Variants in CDCA5 observed in about 807,000 individuals in gnomAD.
The protein encoded by CDCA5 is cell division cycle associated 5.
CDCA5 carries 14 observed loss-of-function variants against 25.7 expected under a neutral mutation model. That is an observed-to-expected ratio of 0.54 (90% CI 0.36 to 0.85). The LOEUF is 0.85. Among genes scored for constraint, CDCA5 ranks in the 40% least tolerant of loss-of-function variants. The pLI is 0.01. For missense variants in CDCA5, 307 were observed against 324.5 expected, an observed-to-expected ratio of 0.95 and a Z score of 0.41; for synonymous variants, 127 against 128.7, an observed-to-expected ratio of 0.99 and a Z score of 0.09.
rs1311355859 is a variant in CDCA5, at chr11:65,077,758, C to A, written c.*1349G>T. 3 of 985,564 alleles carry A rather than the reference C, an allele frequency of 3.0e-6. No homozygotes were observed. Among genetic ancestry groups the A allele is most frequent in the Non-Finnish European group, 3.6e-6 (3 of 830,002 alleles). The allele number at this position is 985,564 out of a possible 1,614,324, so 61.1% of individuals were successfully genotyped here. On this transcript the variant is annotated 3_prime_UTR_variant, in exon 6 of 6. Coordinates refer to ENST00000275517, the MANE Select transcript of CDCA5 (RefSeq NM_080668.4). ...GAGCAGATGGCCTGGGACTCCCAGACCTGGCAGAGGGTTTTATTAGGGCCC... is the reference window on the plus strand; with the variant it reads ...GAGCAGATGGCCTGGGACTCCCAGAACTGGCAGAGGGTTTTATTAGGGCCC...
At chr11:65,083,904 C>T (rs1442411989) in intron 1 of CDCA5, 29 bp downstream of exon 1, 1 of 1,609,222 alleles carries the variant, frequency 6.2e-7, no homozygotes, top group South Asian at 1.1e-5. Flanking sequence ...ACGGCTCGAC[C>T]TCACGTCTCC....
At chr11:65,062,506 C>T (rs2137050222), downstream of CDCA5, among the ~76,000 whole-genome samples, 1 of 152,284 alleles carries the variant, frequency 6.6e-6, no homozygotes, top group South Asian at 2.1e-4. Flanking sequence ...TGACTCAGTG[C>T]CTTTGTGTTG....
At chr11:65,067,499 C>T (rs1460735422) in intron 4 of CDCA5, among the ~76,000 whole-genome samples, 2 of 152,250 alleles carry the variant, frequency 1.3e-5, no homozygotes, top group African/African-American at 4.8e-5. Flanking sequence ...GCCCCTCCCC[C>T]AGACTGAACG....
At chr11:65,070,644 G>T (rs1947322507) in intron 1 of CDCA5, among the ~76,000 whole-genome samples, 1 of 152,008 alleles carries the variant, frequency 6.6e-6, no homozygotes, top group Non-Finnish European at 1.5e-5. Flanking sequence ...ACCACACCCA[G>T]CTAATTTGTG....
At chr11:65,073,208 G>A (rs1356625714), downstream of CDCA5, among the ~76,000 whole-genome samples, 4 of 152,110 alleles carry the variant, frequency 2.6e-5, no homozygotes, top group East Asian at 7.7e-4. Flanking sequence ...GCCTCCCAAA[G>A]TGCTGGGATT....
At chr11:65,077,008 C>A (rs1362741824), downstream of CDCA5, among the ~76,000 whole-genome samples, 4 of 152,146 alleles carry the variant, frequency 2.6e-5, no homozygotes, top group East Asian at 3.8e-4. Context: ...GCAGGACAGG[C>A]CAGGCGCAGT....
At chr11:65,062,357 C>T (rs1565259665), downstream of CDCA5, among the ~76,000 whole-genome samples, 1 of 152,168 alleles carries the variant, frequency 6.6e-6, no homozygotes. Context: ...CCAAGTCTCC[C>T]TTTACACTCA....
At chr11:65,066,024 G>T (rs1318297004), downstream of CDCA5, among the ~76,000 whole-genome samples, 1 of 152,136 alleles carries the variant, frequency 6.6e-6, no homozygotes, top group Non-Finnish European at 1.5e-5. Context: ...TCCGGGGAGG[G>T]ACTGCGGCCC....
At chr11:65,066,193 G>C, downstream of CDCA5, 1 of 325,028 alleles carries the variant, frequency 3.1e-6, no homozygotes, top group African/African-American at 2.2e-5. Flanking sequence ...CTGAGGGAGT[G>C]GGGGTGATGT....
chr11:65,065,957 C>A (rs903133520), downstream of CDCA5, among the ~76,000 whole-genome samples: 7 of 152,128 alleles, frequency 4.6e-5, no homozygotes, highest in Admixed American at 4.6e-4. Flanking sequence ...CTATCCCTCC[C>A]CCGCCTACAC....
chr11:65,082,821 C>A (rs1240942379), intron 4 of CDCA5, among the ~76,000 whole-genome samples: 1 of 151,894 alleles, frequency 6.6e-6, no homozygotes, highest in Non-Finnish European at 1.5e-5. Context: ...ATTCCCTGAG[C>A]CACATGGTCT....
rs1222545049 is a variant in CDCA5, at chr11:65,083,697, G to A, written c.73C>T (p.Pro25Ser). 1.9e-6 allele frequency: 3 copies of A among 1,614,118 alleles called. No homozygotes were observed. The highest frequency in any genetic ancestry group is 1.7e-5 in the Admixed American group (1 of 59,998). The change falls in exon 2 of 6, where the codon CCT (proline) becomes TCT (serine). Residue 25 changes from proline (P) to serine (S), a missense_variant. Pro to Ser is a moderately conservative substitution (Grantham distance 74). Coordinates refer to ENST00000275517, the MANE Select transcript of CDCA5 (RefSeq NM_080668.4). ...GATTTCCGCTGGGACCTCCGCAGAGGCTTAGTAGGAGATGGGGCCCTTGGC... is the reference window on the plus strand; with the variant it reads ...GATTTCCGCTGGGACCTCCGCAGAGACTTAGTAGGAGATGGGGCCCTTGGC... ...SGPRAPSPTK[P>S]LRRSQRKSGS...
rs989160485 is a variant in CDCA5 at position 65,083,862 on chromosome 11, G to C, written c.46+71C>G. ...CTCCGGCGGCGGCAGCGGGAGGGAA[G>C]AGGCCATCTTTCACCGGACTGCGTC... On this transcript the variant is annotated intron_variant, in intron 1 of 5. Transcript: ENST00000275517. The C allele has an allele frequency of 1.9e-6, 3 of 1,600,974 alleles. No individual in the cohort carries two copies. In the African/African-American group the frequency reaches 4.0e-5, roughly 21 times the overall value.
At chr11:65,075,512 A>T (rs1419296241), downstream of CDCA5, among the ~76,000 whole-genome samples, 2 of 141,232 alleles carry the variant, frequency 1.4e-5, no homozygotes, top group African/African-American at 5.2e-5. Flanking sequence ...CAAGGGAATG[A>T]CCCACAGGAG....
In CDCA5 at chr11:65,081,914, G is replaced by A. The variant is rs1417767700; in HGVS notation, c.243+1450C>T. Among the ~76,000 whole-genome samples the A allele has an allele frequency of 3.3e-5, 5 of 152,278 alleles. No individual in the cohort carries two copies. The East Asian group carries it at 7.7e-4, about 24-fold the overall frequency. On this transcript the variant is annotated intron_variant, in intron 4 of 5. Coordinates refer to ENST00000275517, the MANE Select transcript of CDCA5 (RefSeq NM_080668.4). ...AAGATCTGCAGTGAGCCGAAATCTC[G>A]CCACTGCACTCCAGCCTGGGTGGCA...
rs201906633 is a variant in CDCA5 at position 65,081,309 on chromosome 11, G to A, written c.244-1522C>T. 8.7e-4 allele frequency among the ~76,000 whole-genome samples: 119 copies of A among 137,214 alleles called. 3 individuals are homozygous for A. In the East Asian group the frequency reaches 0.028, roughly 32 times the overall value. The allele number at this position is 137,214 out of a possible 152,430, so 90.0% of individuals were successfully genotyped here. On this transcript the variant is annotated intron_variant, in intron 4 of 5. Coordinates refer to ENST00000275517, the MANE Select transcript of CDCA5 (RefSeq NM_080668.4). Reference sequence around the variant, plus strand: ...CAGGTGTGGTAGCAGGTGCCTGTAAGCCCAGCTACTTGGGAGGCTGAGGCA... The same window carrying A: ...CAGGTGTGGTAGCAGGTGCCTGTAAACCCAGCTACTTGGGAGGCTGAGGCA...
At chr11:65,063,737 C>T (rs570924479), downstream of CDCA5, among the ~76,000 whole-genome samples, 28 of 152,214 alleles carry the variant, frequency 1.8e-4, no homozygotes, top group Non-Finnish European at 3.5e-4. Context: ...GCCTTGATGA[C>T]AGAGGCCCAG....
chr11:65,080,274 G>A (rs1947539024), intron 4 of CDCA5, among the ~76,000 whole-genome samples: 1 of 152,156 alleles, frequency 6.6e-6, no homozygotes, highest in Non-Finnish European at 1.5e-5. Context: ...TGCTTCCAAG[G>A]AGTCTGCTTT....
In CDCA5 at chr11:65,078,099, G is replaced by A. The variant is rs138907436; in HGVS notation, c.*1008C>T. ...ACTAAAATTGCTATCAGCCCCCGCC[G>A]CTGTCTGGTACGCGAGGAAACTTTC... On this transcript the variant is annotated 3_prime_UTR_variant, in exon 6 of 6. Transcript: ENST00000275517. The A allele has an allele frequency of 3.0e-5, 30 of 985,344 alleles. No homozygotes were observed. Among genetic ancestry groups the A allele is most frequent in the Middle Eastern group, 5.2e-4 (1 of 1,938 alleles). 61.0% of individuals were successfully genotyped at this position (985,344 alleles called of 1,614,324 possible).
Sources: allele counts gnomAD v4.1 joint callset (sites outside exome capture counted in the v4.1 genomes callset), GRCh38; gene constraint gnomAD v4.1.1; transcripts MANE v1.5; gene names NCBI Gene and HGNC (gene_info 2026-07-23, HGNC 2026-07-21).